The following ANKRD27 variants were observed in gnomAD, a reference collection of about 807,000 sequenced individuals.
The protein encoded by ANKRD27 is ankyrin repeat domain-containing protein 27.
ANKRD27 carries 112 observed loss-of-function variants against 129.7 expected under a neutral mutation model. The ratio of observed to expected loss-of-function variants is 0.86; its 90% confidence interval spans 0.74 to 1.01. ANKRD27 has a LOEUF of 1.01. Among genes scored for constraint, ANKRD27 ranks in the 50% least tolerant of loss-of-function variants. The probability of loss-of-function intolerance (pLI) is 0.00; values close to 1 mark genes in which losing one functional copy is unlikely to be tolerated. For synonymous variants in ANKRD27, 516 were observed against 511.2 expected, an observed-to-expected ratio of 1.01 and a Z score of -0.13; for missense variants, 1,258 against 1,300.5, an observed-to-expected ratio of 0.97 and a Z score of 0.50.
In ANKRD27 at chr19:32,643,386, G is replaced by T. The variant is rs1967239164; in HGVS notation, c.640-34C>A. 5 of 1,613,810 alleles carry T rather than the reference G, an allele frequency of 3.1e-6. No homozygotes were observed. The East Asian group carries it at 1.1e-4, about 36-fold the overall frequency. On this transcript the variant is annotated intron_variant, in intron 7 of 28. Transcript: ENST00000306065. ...TCAACAGACCCCATTCAGGGTGTGAGCGGGCAACAGGGTGTGCCTCCCAGC... is the reference window on the plus strand; with the variant it reads ...TCAACAGACCCCATTCAGGGTGTGATCGGGCAACAGGGTGTGCCTCCCAGC...
chr19:32,622,804 ATC>A (rs902101772), intron 17 of ANKRD27, among the ~76,000 whole-genome samples, 185 bp from the exon 18 acceptor site: 2 of 150,332 alleles, frequency 1.3e-5, no homozygotes, highest in East Asian at 2.0e-4. Context: ...TTGAGACAGG[ATC>A]TCTCTCTGTT....
chr19:32,601,674 C>A (rs1480603530), intron 26 of ANKRD27, among the ~76,000 whole-genome samples: 1 of 151,692 alleles, frequency 6.6e-6, no homozygotes, highest in African/African-American at 2.4e-5. Context: ...CAGGAAATGC[C>A]CAGAACACCT....
At chr19:32,604,500 A>G (rs1242470689) in intron 24 of ANKRD27, 76 bp from the exon 25 acceptor site, 2 of 1,398,248 alleles carry the variant, frequency 1.4e-6, no homozygotes, top group African/African-American at 2.8e-5. Flanking sequence ...GTATACAGGT[A>G]TTCGCTATAA....
intron 18 of ANKRD27, 29 bp from the exon 19 acceptor site, chr19:32,619,582 AC>A (rs1229220330): frequency 6.2e-7 from 1 of 1,612,956 alleles, no homozygotes; most frequent in Non-Finnish European, 8.5e-7. Context: ...TGCCAACAGT[AC>A]CCCGTGAGAT....
intron 12 of ANKRD27, among the ~76,000 whole-genome samples, chr19:32,634,553 A>G (rs1384757555): frequency 6.6e-6 from 1 of 152,086 alleles, no homozygotes. Flanking sequence ...ACTAAACACT[A>G]TCCTTAGGGG....
Position 32,622,434 on chromosome 19 carries a change from T to G in ANKRD27, c.1815A>C (p.Ala605=). 3.1e-6 allele frequency: 5 copies of G among 1,613,706 alleles called. No homozygotes were observed. Among genetic ancestry groups the G allele is most frequent in the Non-Finnish European group, 4.2e-6 (5 of 1,179,984 alleles). Residue 605 remains alanine (A), a synonymous_variant, in exon 18 of 29, where the codon GCA becomes GCC. Coordinates refer to ENST00000306065, the MANE Select transcript of ANKRD27 (RefSeq NM_032139.3). ...TGGGAAGAGCTACCTTTGAGTTTAATGCACACTTGAGGGGCGTCTCCTTCA... is the reference window on the plus strand; with the variant it reads ...TGGGAAGAGCTACCTTTGAGTTTAAGGCACACTTGAGGGGCGTCTCCTTCA... ...NRLKETPLKC[A]LNSKILSVME...
intron 22 of ANKRD27, among the ~76,000 whole-genome samples, chr19:32,613,033 G>A (rs35098593): frequency 0.58 from 88,415 of 151,574 alleles, 26,862 homozygotes; most frequent in Non-Finnish European, 0.69. Flanking sequence ...TGCAAAGCAC[G>A]TATCTAACAA....
intron 23 of ANKRD27, 111 bp from the exon 24 acceptor site, chr19:32,606,065 T>C (rs1971730250): frequency 9.7e-7 from 1 of 1,032,316 alleles, no homozygotes; most frequent in African/African-American, 1.7e-5. Context: ...AAAACAAAGT[T>C]TCTGGAGAGA....
chr19:32,660,600 A>C (rs901562988), intron 1 of ANKRD27, among the ~76,000 whole-genome samples: 2 of 152,296 alleles, frequency 1.3e-5, no homozygotes, highest in African/African-American at 2.4e-5. Flanking sequence ...ACAGCTGTTT[A>C]TGAAGCAGGC....
At chr19:32,599,593 G>A (rs1023290962) in intron 28 of ANKRD27, 111 bp downstream of exon 28, 19 of 931,760 alleles carry the variant, frequency 2.0e-5, no homozygotes, top group South Asian at 6.4e-5. Context: ...TAACTCATAC[G>A]GCGCACGGAA....
chr19:32,611,625 A>G (rs770728682), intron 22 of ANKRD27, among the ~76,000 whole-genome samples: 4 of 152,218 alleles, frequency 2.6e-5, no homozygotes, highest in Non-Finnish European at 5.9e-5. Flanking sequence ...CTTGTTCCCC[A>G]GGCTAGAGTG....
intron 22 of ANKRD27, among the ~76,000 whole-genome samples, chr19:32,609,047 T>C (rs1338279955): frequency 2.6e-5 from 4 of 151,252 alleles, no homozygotes; most frequent in Non-Finnish European, 5.9e-5. Context: ...TTTGTATTTG[T>C]AGTAGAGACA....
chr19:32,599,206 G>A (rs1015298091), intron 28 of ANKRD27, among the ~76,000 whole-genome samples: 6 of 152,152 alleles, frequency 3.9e-5, no homozygotes, highest in South Asian at 2.1e-4. Flanking sequence ...GCTTGAACCC[G>A]GGAGGTGGAG....
At chr19:32,608,397 GATTC>G (rs1971782548) in intron 22 of ANKRD27, 1 of 359,920 alleles carries the variant, frequency 2.8e-6, no homozygotes, top group African/African-American at 2.2e-5. Context: ...AAGGCGACGA[GATTC>G]ACTTGCTGTT....
At chr19:32,656,597 G>A (rs1967542045) in intron 2 of ANKRD27, among the ~76,000 whole-genome samples, 1 of 139,564 alleles carries the variant, frequency 7.2e-6, no homozygotes, top group African/African-American at 2.5e-5. Flanking sequence ...GAACAACCTG[G>A]GCAACATAGT....
intron 28 of ANKRD27, among the ~76,000 whole-genome samples, 157 bp downstream of exon 28, chr19:32,599,547 A>G (rs1300810395): frequency 6.6e-6 from 1 of 152,256 alleles, no homozygotes; most frequent in Non-Finnish European, 1.5e-5. Flanking sequence ...TGTACTCTAC[A>G]CTGTCCCATG....
rs746859989 is a variant in ANKRD27, at chr19:32,620,885, CAAAAAAAAAAAAAAA to C, written c.1828-1347_1828-1333del. Among the ~76,000 whole-genome samples the C allele has an allele frequency of 3.0e-3, 227 of 75,316 alleles. 2 individuals carry two copies. The highest frequency in any genetic ancestry group is 4.4e-3 in the Non-Finnish European group (184 of 41,468). The allele number at this position is 75,316 out of a possible 152,430, so 49.4% of individuals were successfully genotyped here. A position where few individuals can be genotyped will look rare whatever the true frequency, so the allele number is the denominator to read the frequency against. Reference sequence around the variant, plus strand: ...TGGGCAATACAGCCAAACCTTGTCTCAAAAAAAAAAAAAAAAAAAAAAAAAAGAGAACAGAAGTAA... The same window carrying C: ...TGGGCAATACAGCCAAACCTTGTCTCAAAAAAAAAAAGAGAACAGAAGTAA... On this transcript the variant is annotated intron_variant, in intron 18 of 28. Transcript: ENST00000306065.
chr19:32,640,378 C>T lies in ANKRD27; in HGVS notation c.912G>A (p.Leu304=). 1 of 1,613,870 alleles carries T rather than the reference C, an allele frequency of 6.2e-7. No individual in the cohort carries two copies. The highest frequency in any genetic ancestry group is 8.5e-7 in the Non-Finnish European group (1 of 1,179,794). ...GCAGATCATCAGCACACATGGTCTC[C>T]AGGTTCACTGCAAAGGGGAAACACA... The part of the protein sequence containing the change: ...ITQSPSQRVN[L]ETMCADDLLS... The change falls in exon 11 of 29, where the codon CTG becomes CTA. Residue 304 remains leucine (L), a synonymous_variant. Coordinates refer to ENST00000306065, the MANE Select transcript of ANKRD27 (RefSeq NM_032139.3).
At position 32,628,086 on chromosome 19, in the gene ANKRD27, AGACAGC is replaced by A. The variant is rs1295518602; in HGVS notation, c.1411_1416del (p.Ala471_Val472del). ...GGGCCAGCCCAGGACCACATACCACAGACAGCAGCCACATGGAGAGGGGTGTGCCCC... is the reference window on the plus strand; with the variant it reads ...GGGCCAGCCCAGGACCACATACCACAAGCCACATGGAGAGGGGTGTGCCCC... On this transcript the variant is annotated inframe_deletion, in exon 15 of 29. Transcript: ENST00000306065. The A allele has an allele frequency of 1.9e-6, 3 of 1,614,118 alleles. No homozygotes were observed. Among genetic ancestry groups the A allele is most frequent in the Non-Finnish European group, 2.5e-6 (3 of 1,179,940 alleles).
Sources: allele counts gnomAD v4.1 joint callset (sites outside exome capture counted in the v4.1 genomes callset), GRCh38; gene constraint gnomAD v4.1.1; transcripts MANE v1.5; gene names NCBI Gene and HGNC (gene_info 2026-07-23, HGNC 2026-07-21).